The following ANKS1B variants were observed in gnomAD, a reference collection of about 807,000 sequenced individuals.
The protein encoded by ANKS1B is ankyrin repeat and sterile alpha motif domain-containing protein 1B.
ANKS1B carries 36 observed loss-of-function variants against 148.3 expected under a neutral mutation model. The ratio of observed to expected loss-of-function variants is 0.24; its 90% CI spans 0.19 to 0.32. The LOEUF (loss-of-function observed/expected upper bound fraction) is 0.32. ANKS1B is among the 10% of genes least tolerant of loss of function. The pLI is 1.00. For synonymous variants in ANKS1B, 542 were observed against 560.8 expected, an observed-to-expected ratio of 0.97 and a Z score of 0.47; for missense variants, 1,157 against 1,542.6, an observed-to-expected ratio of 0.75 and a Z score of 4.19.
intron 17 of ANKS1B, among the ~76,000 whole-genome samples, chr12:98,971,054 CAG>C (rs1358897998): frequency 4.6e-5 from 7 of 152,072 alleles, no homozygotes; most frequent in Admixed American, 4.6e-4. Context: ...TCCTGAAAAA[CAG>C]GGAATTTAGT....
chr12:98,858,425 C>T (rs1234174879), intron 17 of ANKS1B, among the ~76,000 whole-genome samples: 1 of 152,220 alleles, frequency 6.6e-6, no homozygotes, highest in Non-Finnish European at 1.5e-5. Flanking sequence ...CTCACTGTTG[C>T]CTTGACCTCC....
intron 8 of ANKS1B, among the ~76,000 whole-genome samples, chr12:99,731,828 T>C (rs993687803): frequency 2.6e-5 from 4 of 152,156 alleles, no homozygotes; most frequent in Admixed American, 2.0e-4. Context: ...TCATCAAAAA[T>C]TTTTAAAGTT....
chr12:99,247,935 G>A (rs1207530285), intron 12 of ANKS1B, among the ~76,000 whole-genome samples: 1 of 152,094 alleles, frequency 6.6e-6, no homozygotes, highest in Non-Finnish European at 1.5e-5. Flanking sequence ...AAGTTGATGT[G>A]CTGATTCGTA....
intron 17 of ANKS1B, among the ~76,000 whole-genome samples, chr12:98,931,968 T>C (rs896780298): frequency 5.9e-5 from 9 of 152,172 alleles, no homozygotes; most frequent in Non-Finnish European, 5.9e-5. Flanking sequence ...GCTCTAAATC[T>C]ATATTGTGTT....
rs1166158783 is a variant in ANKS1B at position 98,953,537 on chromosome 12, G to GTTTTTTTT, written c.2778+99612_2778+99619dup. ...CATGTCCATTTGAGAATCTAGAGTG[G>GTTTTTTTT]TTTTTTTTTTTTTTTTTTTTTTTTT... On this transcript the variant is annotated intron_variant, in intron 17 of 26. Coordinates refer to ENST00000683438, the MANE Select transcript of ANKS1B (RefSeq NM_001352186.2). Among the ~76,000 whole-genome samples, 39 of 57,456 alleles carry GTTTTTTTT rather than the reference G, an allele frequency of 6.8e-4. 10 individuals are homozygous for GTTTTTTTT. Among genetic ancestry groups the GTTTTTTTT allele is most frequent in the African/African-American group, 2.5e-3 (34 of 13,570 alleles). The allele number at this position is 57,456 out of a possible 152,430, so 37.7% of individuals were successfully genotyped here.
intron 12 of ANKS1B, among the ~76,000 whole-genome samples, chr12:99,249,024 G>A (rs1183409874): frequency 6.6e-6 from 1 of 152,078 alleles, no homozygotes; most frequent in African/African-American, 2.4e-5. Flanking sequence ...CTGGCATCTT[G>A]TTCCAATGCA....
intron 9 of ANKS1B, among the ~76,000 whole-genome samples, chr12:99,621,250 T>C (rs1216117599): frequency 1.3e-5 from 2 of 152,000 alleles, no homozygotes; most frequent in African/African-American, 4.8e-5. Context: ...TTAAGGAAGT[T>C]CTAAACATGG....
intron 8 of ANKS1B, among the ~76,000 whole-genome samples, chr12:99,765,412 C>G (rs1164674278): frequency 1.3e-5 from 2 of 152,060 alleles, no homozygotes; most frequent in African/African-American, 4.8e-5. Flanking sequence ...CATCTATATA[C>G]CCTAAAACTT....
rs2093184940 is a variant in ANKS1B at position 99,372,391 on chromosome 12, A to G, written c.1756+27240T>C. Among the ~76,000 whole-genome samples the G allele has an allele frequency of 2.0e-5, 3 of 152,046 alleles. No homozygotes were observed. In the South Asian group the frequency reaches 6.2e-4, roughly 31 times the overall value. On this transcript the variant is annotated intron_variant, in intron 12 of 26. Coordinates refer to ENST00000683438, the MANE Select transcript of ANKS1B (RefSeq NM_001352186.2). ...AATCAACTTGCACCATACTGAAACCACTTAGGGTTCTTATCATGCTGTGTT... is the reference window on the plus strand; with the variant it reads ...AATCAACTTGCACCATACTGAAACCGCTTAGGGTTCTTATCATGCTGTGTT...
At chr12:99,628,153 G>A (rs2098127348) in intron 9 of ANKS1B, among the ~76,000 whole-genome samples, 1 of 152,038 alleles carries the variant, frequency 6.6e-6, no homozygotes. Context: ...ACTGAATACT[G>A]TAGACGATTG....
intron 8 of ANKS1B, among the ~76,000 whole-genome samples, chr12:99,661,599 C>G (rs1308296587): frequency 6.6e-6 from 1 of 152,160 alleles, no homozygotes; most frequent in Non-Finnish European, 1.5e-5. Flanking sequence ...CCCTCTTTCC[C>G]TCAAGTATAC....
At chr12:98,836,908 CTA>C (rs1310738461) in intron 17 of ANKS1B, among the ~76,000 whole-genome samples, 2 of 152,188 alleles carry the variant, frequency 1.3e-5, no homozygotes, top group Non-Finnish European at 2.9e-5. Context: ...AGGGGAACGT[CTA>C]TGAACAGAGC....
intron 1 of ANKS1B, among the ~76,000 whole-genome samples, chr12:99,975,837 T>C (rs1476980421): frequency 3.3e-5 from 5 of 152,160 alleles, no homozygotes; most frequent in African/African-American, 1.2e-4. Context: ...GACCCAGCAA[T>C]CCCATTGCTG....
intron 26 of ANKS1B, among the ~76,000 whole-genome samples, chr12:98,746,991 C>T (rs547332029): frequency 4.6e-5 from 7 of 152,208 alleles, no homozygotes; most frequent in African/African-American, 1.7e-4. Flanking sequence ...GGAAACACTA[C>T]AGGACATTGG....
intron 17 of ANKS1B, among the ~76,000 whole-genome samples, chr12:98,895,596 G>C (rs774828065): frequency 2.0e-5 from 3 of 152,204 alleles, no homozygotes; most frequent in Non-Finnish European, 4.4e-5. Context: ...TGTGTGCGCC[G>C]GTGGCCCTCT....
chr12:98,964,262 A>G (rs1257483049), intron 17 of ANKS1B, among the ~76,000 whole-genome samples: 1 of 152,210 alleles, frequency 6.6e-6, no homozygotes, highest in Non-Finnish European at 1.5e-5. Flanking sequence ...ATTTCATCCC[A>G]GTTAAAAAGG....
rs113268815 is a variant in ANKS1B, at chr12:99,968,914, G to A, written c.134+15190C>T. ...CACTGGCTCACCTTTGCCTTCTGCCGTGATTGGAAGCTTCCTGAGGCCTCA... is the reference window on the plus strand; with the variant it reads ...CACTGGCTCACCTTTGCCTTCTGCCATGATTGGAAGCTTCCTGAGGCCTCA... On this transcript the variant is annotated intron_variant, in intron 1 of 26. Transcript: ENST00000683438. Among the ~76,000 whole-genome samples, 61 of 152,188 alleles carry A rather than the reference G, an allele frequency of 4.0e-4. 1 individual carries two copies. Among genetic ancestry groups the A allele is most frequent in the African/African-American group, 1.2e-3 (48 of 41,500 alleles).
In ANKS1B at chr12:98,916,042, T is replaced by A. The variant is rs578245063; in HGVS notation, c.2779-83906A>T. Among the ~76,000 whole-genome samples the A allele has an allele frequency of 5.3e-5, 8 of 152,314 alleles. No homozygotes were observed. In the South Asian group the frequency reaches 1.7e-3, roughly 32 times the overall value. ...GCTTAACGCTCCCACCACCATCACATAACCTGGATATGTTGTGGCCAGACA... is the reference window on the plus strand; with the variant it reads ...GCTTAACGCTCCCACCACCATCACAAAACCTGGATATGTTGTGGCCAGACA... On this transcript the variant is annotated intron_variant, in intron 17 of 26. Coordinates refer to ENST00000683438, the MANE Select transcript of ANKS1B (RefSeq NM_001352186.2).
intron 17 of ANKS1B, 105 bp downstream of exon 17, chr12:99,053,052 T>G: frequency 9.9e-7 from 1 of 1,010,958 alleles, no homozygotes; most frequent in Non-Finnish European, 1.4e-6. Flanking sequence ...ACAGAAGGCA[T>G]ATCTATAAAT....
Sources: allele counts gnomAD v4.1 joint callset (sites outside exome capture counted in the v4.1 genomes callset), GRCh38; gene constraint gnomAD v4.1.1; transcripts MANE v1.5; gene names NCBI Gene and HGNC (gene_info 2026-07-23, HGNC 2026-07-21).